CEP85: variants seen among roughly 807,000 people sequenced by gnomAD.
CEP85 encodes centrosomal protein 85.
A neutral mutation model predicts 93.7 loss-of-function variants in CEP85; 58 were observed. The observed-to-expected ratio is 0.62, with a 90% CI of 0.50 to 0.77. CEP85 has a LOEUF of 0.77. Among genes scored for constraint, CEP85 ranks in the 30% least tolerant of loss-of-function variants. The pLI, the probability that CEP85 is intolerant of heterozygous loss-of-function variation, is 0.00. For missense variants in CEP85, 868 were observed against 922.0 expected, an observed-to-expected ratio of 0.94 and a Z score of 0.76; for synonymous variants, 314 against 338.6, an observed-to-expected ratio of 0.93 and a Z score of 0.80.
intron 7 of CEP85, among the ~76,000 whole-genome samples, chr1:26,264,099 T>C (rs1210900457): frequency 6.6e-6 from 1 of 152,238 alleles, no homozygotes; most frequent in Non-Finnish European, 1.5e-5. Context: ...AGTATCTCTC[T>C]GACAGTATTG....
chr1:26,242,794 T>TTTG (rs1557648546), intron 2 of CEP85, among the ~76,000 whole-genome samples: 80 of 151,488 alleles, frequency 5.3e-4, no homozygotes, highest in Middle Eastern at 3.4e-3. Context: ...CCATTAGTTT[T>TTTG]TTTGTTTGTT....
intron 8 of CEP85, 58 bp from the exon 9 acceptor site, chr1:26,269,402 C>T (rs925406673): frequency 7.2e-6 from 11 of 1,537,776 alleles, no homozygotes; most frequent in Admixed American, 3.5e-5. Context: ...GAGGAACAAG[C>T]ATTTTGCATT....
chr1:26,262,414 G>A (rs1258140370), intron 7 of CEP85, among the ~76,000 whole-genome samples: 1 of 152,050 alleles, frequency 6.6e-6, no homozygotes, highest in South Asian at 2.1e-4. Context: ...GGAGGTAGAT[G>A]TTGCAGTGAG....
intron 1 of CEP85, among the ~76,000 whole-genome samples, chr1:26,238,874 T>G (rs1000188614): frequency 6.6e-6 from 1 of 152,142 alleles, no homozygotes; most frequent in Non-Finnish European, 1.5e-5. Flanking sequence ...TTTTAAGGAG[T>G]GAGAACATGG....
At position 26,272,658 on chromosome 1, in the gene CEP85, C is replaced by CA. The variant is rs567473652; in HGVS notation, c.1794+587_1794+588insA. ...TTTTTTTTTTTTGGAGACAGAGTCT[C>CA]GCTCTTGTCGCCCAGGCTGGAGTGC... On this transcript the variant is annotated intron_variant, in intron 11 of 13. Coordinates refer to ENST00000451429, the MANE Select transcript of CEP85 (RefSeq NM_001319944.2). Among the ~76,000 whole-genome samples the CA allele has an allele frequency of 1.7e-3, 208 of 122,468 alleles. 1 individual carries two copies. Among genetic ancestry groups the CA allele is most frequent in the African/African-American group, 5.5e-3 (171 of 31,208 alleles). The allele number at this position is 122,468 out of a possible 152,430, so 80.3% of individuals were successfully genotyped here. A position where few individuals can be genotyped will look rare whatever the true frequency, so the allele number is the denominator to read the frequency against.
Position 26,255,502 on chromosome 1 carries a change from T to TA in CEP85, c.541dup (p.Ile181AsnfsTer3). On this transcript the variant is annotated frameshift_variant, in exon 4 of 14. Transcript: ENST00000451429. LOFTEE classifies it high-confidence loss of function. ...GACAAGAAGAGGCGAGGAAGTTTGA[T>TA]ATTCCTAGCATGGAATCTACCCTCA... The TA allele has an allele frequency of 6.2e-7, 1 of 1,614,112 alleles. No homozygotes were observed. The highest frequency in any genetic ancestry group is 8.5e-7 in the Non-Finnish European group (1 of 1,180,018).
chr1:26,255,390 G>T lies in CEP85; in HGVS notation c.428G>T (p.Gly143Val), dbSNP rs187694325. 2 of 1,614,056 alleles carry T rather than the reference G, an allele frequency of 1.2e-6. No individual in the cohort carries two copies. Among genetic ancestry groups the T allele is most frequent in the Non-Finnish European group, 1.7e-6 (2 of 1,179,994 alleles). Residue 143 changes from glycine to valine, a missense_variant, in exon 4 of 14, where the codon GGC becomes GTC. Gly to Val is a moderately radical substitution (Grantham distance 109). Transcript: ENST00000451429. ...GDLGAMKHSP[G>V]LSRDLMYFSG... ...CTCGGTGCAATGAAACATTCTCCAGGCCTATCTAGAGATCTCATGTATTTC... is the reference window on the plus strand; with the variant it reads ...CTCGGTGCAATGAAACATTCTCCAGTCCTATCTAGAGATCTCATGTATTTC...
At position 26,259,692 on chromosome 1, in the gene CEP85, G is replaced by A. The variant is rs778449958; in HGVS notation, c.1231G>A (p.Asp411Asn). The A allele has an allele frequency of 2.9e-5, 46 of 1,613,990 alleles. 1 individual carries two copies. In the South Asian group the frequency reaches 5.1e-4, roughly 18 times the overall value. ...AGAAGCCTTGAGCAGAGAAAAGATT[G>A]ACCTTGAAAAGAAACTCTCTGCTTC... Reference protein sequence around the residue: ...KTEALSREKIDLEKKLSASEV... With the variant: ...KTEALSREKINLEKKLSASEV... Residue 411 changes from aspartate (D) to asparagine (N), a missense_variant, in exon 7 of 14, where the codon GAC becomes AAC. Physicochemically the swap from Asp to Asn is conservative, Grantham distance 23. Coordinates refer to ENST00000451429, the MANE Select transcript of CEP85 (RefSeq NM_001319944.2).
chr1:26,275,159 C>T (rs1015629365), intron 12 of CEP85, 88 bp downstream of exon 12: 4 of 965,040 alleles, frequency 4.1e-6, no homozygotes, highest in Admixed American at 4.5e-5. Flanking sequence ...CAATAAGAGC[C>T]CCAGTGTTTG....
chr1:26,259,765 A>G lies in CEP85; in HGVS notation c.1304A>G (p.Gln435Arg). 1 of 1,613,534 alleles carries G rather than the reference A, an allele frequency of 6.2e-7. No homozygotes were observed. Among genetic ancestry groups the G allele is most frequent in the Non-Finnish European group, 8.5e-7 (1 of 1,179,792 alleles). ...AGAGAGTCGCTCAAAGTGGCGTTGC[A>G]GAAGCATTCTGAGGAAGTGAAGAAA... ...LIRESLKVALQKHSEEVKKQE... is the reference protein window; with the variant it reads ...LIRESLKVALRKHSEEVKKQE... The change falls in exon 7 of 14, where the codon CAG becomes CGG. Residue 435 changes from glutamine (Q) to arginine (R), a missense_variant. Transcript: ENST00000451429.
chr1:26,257,107 T>C (rs574272756), intron 4 of CEP85, among the ~76,000 whole-genome samples: 3 of 152,108 alleles, frequency 2.0e-5, no homozygotes, highest in Non-Finnish European at 1.5e-5. Context: ...ATTTTTTGTA[T>C]TTTTTATTAG....
intron 3 of CEP85, 92 bp downstream of exon 3, chr1:26,244,410 C>T: frequency 1.7e-6 from 2 of 1,153,732 alleles, no homozygotes; most frequent in South Asian, 2.8e-5. Flanking sequence ...TGTGTTATTT[C>T]CAGAATGTTC....
At chr1:26,250,187 C>T (rs769379050) in intron 3 of CEP85, among the ~76,000 whole-genome samples, 70 of 152,208 alleles carry the variant, frequency 4.6e-4, no homozygotes, top group Non-Finnish European at 8.1e-4. Flanking sequence ...ACTCCTGGCC[C>T]GTGGACCAGT....
rs1006349497 is a variant in CEP85, at chr1:26,244,271, A to G, written c.161A>G (p.Asp54Gly). The change falls in exon 3 of 14, where the codon GAC becomes GGC. Residue 54 changes from aspartate to glycine, a missense_variant. Coordinates refer to ENST00000451429, the MANE Select transcript of CEP85 (RefSeq NM_001319944.2). ...TTCAGCCGCTGTTCAAGTGTAGCCG[A>G]CAGTGGGGACACAGCCATTGGTACA... ...SRFSRCSSVA[D>G]SGDTAIGTSC... 2 of 1,614,046 alleles carry G rather than the reference A, an allele frequency of 1.2e-6. No individual in the cohort carries two copies. The highest frequency in any genetic ancestry group is 2.2e-5 in the South Asian group (2 of 91,070).
intron 8 of CEP85, 41 bp downstream of exon 8, chr1:26,268,676 T>C (rs1419453947): frequency 6.5e-7 from 1 of 1,549,656 alleles, no homozygotes; most frequent in Admixed American, 2.1e-5. Flanking sequence ...GATCAGGGAG[T>C]GGCCAGGCAG....
At chr1:26,250,138 A>T (rs2089582709) in intron 3 of CEP85, among the ~76,000 whole-genome samples, 2 of 150,990 alleles carry the variant, frequency 1.3e-5, no homozygotes, top group Admixed American at 6.7e-5. Context: ...AATATTCTAA[A>T]CCACAGACCA....
At chr1:26,270,427 A>G (rs923762043) in intron 9 of CEP85, among the ~76,000 whole-genome samples, 1 of 152,216 alleles carries the variant, frequency 6.6e-6, no homozygotes, top group Non-Finnish European at 1.5e-5. Flanking sequence ...CTCCATATTA[A>G]TAGCAGTTTC....
At position 26,235,564 on chromosome 1, in the gene CEP85, A is replaced by ATTTTTTTTTTT. The variant is rs1185542130; in HGVS notation, c.-23+1256_-23+1257insTTTTTTTTTTT. On this transcript the variant is annotated intron_variant, in intron 1 of 13. Transcript: ENST00000451429. ...CATGATGTTCCACACTTAGATTGTA[A>ATTTTTTTTTTT]TTCTTTTTTTTTTTTTTTTTTTTGT... 1.7e-3 allele frequency among the ~76,000 whole-genome samples: 121 copies of ATTTTTTTTTTT among 69,530 alleles called. 1 individual carries two copies. The highest frequency in any genetic ancestry group is 6.5e-3 in the African/African-American group (112 of 17,306). The allele number at this position is 69,530 out of a possible 152,430, so 45.6% of individuals were successfully genotyped here.
At chr1:26,274,840 T>C in intron 11 of CEP85, 124 bp from the exon 12 acceptor site, 1 of 705,130 alleles carries the variant, frequency 1.4e-6, no homozygotes, top group East Asian at 2.8e-5. Flanking sequence ...TGTTCTAAAA[T>C]GATTTCTTAT....
Sources: allele counts gnomAD v4.1 joint callset (sites outside exome capture counted in the v4.1 genomes callset), GRCh38; gene constraint gnomAD v4.1.1; transcripts MANE v1.5; gene names NCBI Gene and HGNC (gene_info 2026-07-23, HGNC 2026-07-21).